PLB1: variants seen among roughly 807,000 people sequenced by gnomAD.
PLB1 encodes the protein phospholipase B1, also known as phospholipase B1, membrane-associated.
A neutral mutation model predicts 227.4 loss-of-function variants in PLB1; 242 were observed. That is an observed-to-expected ratio of 1.06 (90% CI 0.96 to 1.18). The LOEUF (loss-of-function observed/expected upper bound fraction) is 1.18. Among genes scored for constraint, PLB1 ranks in the 50% most tolerant of loss-of-function variants. The probability of loss-of-function intolerance (pLI) is 0.00; values close to 1 mark genes in which losing one functional copy is unlikely to be tolerated. For missense variants in PLB1, 1,858 were observed against 1,816.3 expected (o/e 1.02, Z -0.42); for synonymous variants, 757 against 682.2 (o/e 1.11, Z -1.71).
intron 49 of PLB1, among the ~76,000 whole-genome samples, chr2:28,622,356 G>T (rs1430382927): frequency 6.6e-6 from 1 of 152,128 alleles, no homozygotes; most frequent in Non-Finnish European, 1.5e-5. Flanking sequence ...AATAAATAGG[G>T]ATAATAATAG....
chr2:28,577,237 G>A (rs1344932377), intron 21 of PLB1, among the ~76,000 whole-genome samples: 1 of 152,156 alleles, frequency 6.6e-6, no homozygotes, highest in Non-Finnish European at 1.5e-5. Flanking sequence ...CACCAGCAGT[G>A]GTTCCCATCT....
In PLB1 at chr2:28,583,892, G is replaced by T. The variant is rs999091792; in HGVS notation, c.1733+1387G>T. ...AAATCTGAAATGCTTCTGGCTCAAA[G>T]CATTTCAGATAAGGGAGACCCAGCC... On this transcript the variant is annotated intron_variant, in intron 25 of 57. Coordinates refer to ENST00000327757, the MANE Select transcript of PLB1 (RefSeq NM_153021.5). Among the ~76,000 whole-genome samples the T allele has an allele frequency of 2.6e-5, 4 of 152,104 alleles. No individual in the cohort carries two copies. In the South Asian group the frequency reaches 8.3e-4, roughly 32 times the overall value.
At chr2:28,497,870 C>T (rs1011603112) in intron 1 of PLB1, among the ~76,000 whole-genome samples, 42 of 151,938 alleles carry the variant, frequency 2.8e-4, no homozygotes, top group African/African-American at 9.4e-4. Context: ...AGGTGCCTGC[C>T]GCCGTGCCTG....
chr2:28,589,038 G>A (rs112062804), intron 26 of PLB1, among the ~76,000 whole-genome samples: 3,580 of 151,732 alleles, frequency 0.024, 160 homozygotes, highest in African/African-American at 0.083. Flanking sequence ...GGTGGCAGGC[G>A]CCTGTAATCC....
chr2:28,507,108 G>A (rs1572643092), intron 1 of PLB1, among the ~76,000 whole-genome samples: 1 of 152,290 alleles, frequency 6.6e-6, no homozygotes, highest in East Asian at 1.9e-4. Context: ...AGCTAGAGCT[G>A]CTGCTGATTG....
chr2:28,602,448 G>T (rs567134843), intron 38 of PLB1, among the ~76,000 whole-genome samples: 1 of 152,384 alleles, frequency 6.6e-6, no homozygotes, highest in African/African-American at 2.4e-5. Context: ...CCCTGTGGGG[G>T]TTGAGTCTGC....
At position 28,528,820 on chromosome 2, in the gene PLB1, C is replaced by T. The variant is rs574844211; in HGVS notation, c.326-497C>T. 4.6e-5 allele frequency among the ~76,000 whole-genome samples: 7 copies of T among 152,094 alleles called. No homozygotes were observed. The South Asian group carries it at 1.5e-3, about 32-fold the overall frequency. On this transcript the variant is annotated intron_variant, in intron 6 of 57. Coordinates refer to ENST00000327757, the MANE Select transcript of PLB1 (RefSeq NM_153021.5). ...CTTCCAGAGGCCTGCTCCAGAGGTA[C>T]AGATAGCCTCACAGAGGCTACAGGG...
At chr2:28,517,112 G>T (rs751928819) in intron 2 of PLB1, among the ~76,000 whole-genome samples, 1 of 152,198 alleles carries the variant, frequency 6.6e-6, no homozygotes, top group Non-Finnish European at 1.5e-5. Flanking sequence ...TGTCCAGAAG[G>T]AGTTATAAAT....
chr2:28,538,394 G>T lies in PLB1; in HGVS notation c.618+13G>T. On this transcript the variant is annotated intron_variant, in intron 10 of 57. Transcript: ENST00000327757. ...CCTGCAGCAGGAGGTGAGGCCACGG[G>T]CCTAGGGCTTCCCCAAGGGCAGTGG... 6.2e-7 allele frequency: 1 copy of T among 1,609,692 alleles called. No homozygotes were observed. The highest frequency in any genetic ancestry group is 8.5e-7 in the Non-Finnish European group (1 of 1,178,848).
chr2:28,514,427 G>A (rs1208604274), intron 1 of PLB1, among the ~76,000 whole-genome samples: 1 of 152,038 alleles, frequency 6.6e-6, no homozygotes, highest in Non-Finnish European at 1.5e-5. Flanking sequence ...TAGGTCGTTT[G>A]CCTCTTAATA....
intron 1 of PLB1, among the ~76,000 whole-genome samples, chr2:28,502,384 AT>A (rs2148156105): frequency 6.6e-6 from 1 of 152,312 alleles, no homozygotes; most frequent in East Asian, 1.9e-4. Flanking sequence ...TATTAAGGAA[AT>A]AACCATAAAT....
rs1377951740 is a variant in PLB1 at position 28,614,064 on chromosome 2, A to G, written c.3163A>G (p.Asn1055Asp). The change falls in exon 44 of 58, where the codon AAC becomes GAC. Residue 1055 changes from asparagine to aspartate, a missense_variant. Asn to Asp is a conservative substitution (Grantham distance 23). Coordinates refer to ENST00000327757, the MANE Select transcript of PLB1 (RefSeq NM_153021.5). Reference protein sequence around the residue: ...EPFLRTPRNSNYTYPIKPAIE... With the variant: ...EPFLRTPRNSDYTYPIKPAIE... ...CTTCCTGAGAACCCCTCGGAATAGT[A>G]ACTACACGTACCCCATCAAGCCAGC... The G allele has an allele frequency of 6.8e-6, 11 of 1,613,216 alleles. No individual in the cohort carries two copies. The highest frequency in any genetic ancestry group is 2.2e-5 in the South Asian group (2 of 91,062).
intron 17 of PLB1, among the ~76,000 whole-genome samples, chr2:28,555,029 G>A (rs1037250148): frequency 1.4e-4 from 21 of 152,110 alleles, no homozygotes; most frequent in African/African-American, 5.1e-4. Context: ...AGCACTCATA[G>A]ATGAGTGTTG....
chr2:28,593,537 T>G (rs1682359338), intron 32 of PLB1, 144 bp from the exon 33 acceptor site: 1 of 680,580 alleles, frequency 1.5e-6, no homozygotes, highest in South Asian at 1.7e-5. Flanking sequence ...GATGGCAGAC[T>G]TAGAGCCAGG....
chr2:28,503,789 G>A (rs1667357390), intron 1 of PLB1, among the ~76,000 whole-genome samples: 1 of 152,136 alleles, frequency 6.6e-6, no homozygotes, highest in South Asian at 2.1e-4. Context: ...GCCTTCTAAT[G>A]TCCGGTCCCC....
At chr2:28,566,988 G>A in intron 20 of PLB1, 149 bp downstream of exon 20, 3 of 681,876 alleles carry the variant, frequency 4.4e-6, no homozygotes, top group Non-Finnish European at 4.6e-6. Flanking sequence ...CGAGACTGCC[G>A]CCCAGCTCCG....
Position 28,640,907 on chromosome 2 carries a change from T to A in PLB1, c.4099-20T>A. Reference sequence around the variant, plus strand: ...CTCCCAGCTTTGGAGAGAATCGAGGTGTCCTTTCTCTCTCTCCAGCTGGAA... The same window carrying A: ...CTCCCAGCTTTGGAGAGAATCGAGGAGTCCTTTCTCTCTCTCCAGCTGGAA... On this transcript the variant is annotated intron_variant, in intron 56 of 57. Transcript: ENST00000327757. 6.2e-7 allele frequency: 1 copy of A among 1,607,060 alleles called. No individual in the cohort carries two copies. The highest frequency in any genetic ancestry group is 8.5e-7 in the Non-Finnish European group (1 of 1,175,480).
At chr2:28,600,482 C>A (rs552531513) in intron 35 of PLB1, among the ~76,000 whole-genome samples, 98 of 152,296 alleles carry the variant, frequency 6.4e-4, no homozygotes, top group African/African-American at 2.3e-3. Flanking sequence ...CTAAACTAGT[C>A]TTCCAAAGGA....
In PLB1 at chr2:28,529,427, C is replaced by A; in HGVS notation, c.416+20C>A. On this transcript the variant is annotated intron_variant, in intron 7 of 57. Coordinates refer to ENST00000327757, the MANE Select transcript of PLB1 (RefSeq NM_153021.5). ...TGCTGAGTAAGTTCCCTTTCTGTCTCTCTCTGAGGTTATGTGTTCCTACTG... is the reference window on the plus strand; with the variant it reads ...TGCTGAGTAAGTTCCCTTTCTGTCTATCTCTGAGGTTATGTGTTCCTACTG... 6.4e-7 allele frequency: 1 copy of A among 1,553,746 alleles called. No homozygotes were observed. The highest frequency in any genetic ancestry group is 8.9e-7 in the Non-Finnish European group (1 of 1,125,518).
Sources: gnomAD v4.1 joint callset for allele counts (sites outside exome capture counted in the v4.1 genomes callset) on GRCh38, gnomAD v4.1.1 for gene constraint, MANE v1.5 for transcripts, NCBI Gene and HGNC (gene_info 2026-07-23, HGNC 2026-07-21) for gene names.